DGKD: variants seen among roughly 807,000 people sequenced by gnomAD.
DGKD encodes diacylglycerol kinase delta.
DGKD carries 68 observed loss-of-function variants against 154.4 expected under a neutral mutation model. The ratio of observed to expected loss-of-function variants is 0.44; its 90% CI spans 0.36 to 0.54. DGKD has a LOEUF of 0.54. DGKD is among the 20% of genes least tolerant of loss of function. DGKD has a pLI of 0.00. For missense variants in DGKD, 1,343 were observed against 1,593.6 expected, an observed-to-expected ratio of 0.84 and a Z score of 2.68; for synonymous variants, 693 against 638.0, an observed-to-expected ratio of 1.09 and a Z score of -1.30.
chr2:233,463,053 C>T (rs1047957535), intron 26 of DGKD, among the ~76,000 whole-genome samples: 2 of 152,204 alleles, frequency 1.3e-5, no homozygotes, highest in African/African-American at 2.4e-5. Flanking sequence ...CTCTCAGGCA[C>T]CTTCCATGCT....
chr2:233,360,603 G>C (rs1282187221), intron 1 of DGKD, among the ~76,000 whole-genome samples: 1 of 152,098 alleles, frequency 6.6e-6, no homozygotes, highest in Non-Finnish European at 1.5e-5. Context: ...TCCCCAGGCT[G>C]GTCTCAAACT....
At chr2:233,446,903 T>C (rs955953306) in intron 12 of DGKD, 107 bp downstream of exon 12, 3 of 1,319,310 alleles carry the variant, frequency 2.3e-6, no homozygotes, top group African/African-American at 1.4e-5. Flanking sequence ...CCCTTTGGTG[T>C]TGGGGTGTCA....
At position 233,419,058 on chromosome 2, in the gene DGKD, C is replaced by T. The variant is rs543886312; in HGVS notation, c.349-15322C>T. On this transcript the variant is annotated intron_variant, in intron 3 of 29. Transcript: ENST00000264057. The stretch of plus-strand genomic sequence containing the variant: ...GGGCTTCCAGGTAGGGAATTGTGTA[C>T]GGGGAATCCAGGATTCGGGCAGCAT... 3.9e-5 allele frequency among the ~76,000 whole-genome samples: 6 copies of T among 152,220 alleles called. No homozygotes were observed. The South Asian group carries it at 6.2e-4, about 16-fold the overall frequency.
chr2:233,359,037 T>G (rs1354480469), intron 1 of DGKD, among the ~76,000 whole-genome samples: 1 of 152,236 alleles, frequency 6.6e-6, no homozygotes, highest in African/African-American at 2.4e-5. Context: ...TTCCACATCC[T>G]TGTCAGTAAC....
intron 2 of DGKD, 28 bp downstream of exon 2, chr2:233,388,395 C>A (rs200796059): frequency 1.3e-6 from 2 of 1,598,162 alleles, no homozygotes; most frequent in Non-Finnish European, 1.7e-6. Flanking sequence ...AAAGCACACG[C>A]GAGGACATCA....
Position 233,354,965 on chromosome 2 carries a change from G to A in DGKD, c.156+291G>A, listed in dbSNP as rs1234560338. ...CGGGGGGCGCGCGCCGAGTTGGGCC[G>A]CGAGGACCCGGAGGAAACTGAGGCC... On this transcript the variant is annotated intron_variant, in intron 1 of 29. Transcript: ENST00000264057. This position sits in a 1 kb window ranked among gnomAD's most constrained non-coding sequence, Gnocchi z 4.8. Among the ~76,000 whole-genome samples the A allele has an allele frequency of 4.0e-5, 6 of 150,396 alleles. No individual in the cohort carries two copies. The East Asian group carries it at 9.8e-4, about 25-fold the overall frequency.
chr2:233,464,004 G>T, intron 26 of DGKD, 160 bp from the exon 27 acceptor site: 1 of 942,168 alleles, frequency 1.1e-6, no homozygotes, highest in South Asian at 1.8e-5. Flanking sequence ...GAGGTTCTGG[G>T]TTTGGTTCCT....
chr2:233,434,750 C>G lies in DGKD; in HGVS notation c.454-19C>G. 6.3e-7 allele frequency: 1 copy of G among 1,599,736 alleles called. No individual in the cohort carries two copies. The highest frequency in any genetic ancestry group is 1.1e-5 in the South Asian group (1 of 89,898). ...AAAAGAGAAGTCTTATCTTTGCCCT[C>G]TTGGTTTCGTTCTTCCAGCCCACCC... On this transcript the variant is annotated intron_variant, in intron 4 of 29. Coordinates refer to ENST00000264057, the MANE Select transcript of DGKD (RefSeq NM_152879.3).
chr2:233,469,501 C>A lies in DGKD; in HGVS notation c.*41C>A. ...CCTGTGGCCTCCACATCCCCGCCGC[C>A]GAGGCCTAGCCTCCGCCCTCTCAGC... On this transcript the variant is annotated 3_prime_UTR_variant, in exon 30 of 30. Transcript: ENST00000264057. 2 of 1,530,458 alleles carry A rather than the reference C, an allele frequency of 1.3e-6. No homozygotes were observed. The highest frequency in any genetic ancestry group is 1.8e-6 in the Non-Finnish European group (2 of 1,127,394). 94.8% of individuals were successfully genotyped at this position (1,530,458 alleles called of 1,614,324 possible).
At chr2:233,456,828 C>T (rs1331016942) in intron 19 of DGKD, 71 bp from the exon 20 acceptor site, 1 of 1,204,746 alleles carries the variant, frequency 8.3e-7, no homozygotes, top group Non-Finnish European at 1.2e-6. Context: ...TCCCAGCTTT[C>T]ACAGAAATGA....
chr2:233,433,095 T>A (rs2062583639), intron 3 of DGKD, among the ~76,000 whole-genome samples: 1 of 152,186 alleles, frequency 6.6e-6, no homozygotes, highest in Non-Finnish European at 1.5e-5. Flanking sequence ...GCTAGGTATA[T>A]ACCAAAGAGA....
intron 1 of DGKD, among the ~76,000 whole-genome samples, chr2:233,384,821 G>A (rs1243298063): frequency 6.6e-6 from 1 of 152,038 alleles, no homozygotes; most frequent in Admixed American, 6.6e-5. Flanking sequence ...AGCCACCACC[G>A]GGCTCTGTCT....
chr2:233,415,625 C>T (rs576066767), intron 3 of DGKD, among the ~76,000 whole-genome samples: 48 of 152,242 alleles, frequency 3.2e-4, no homozygotes, highest in Admixed American at 2.7e-3. Flanking sequence ...GGCATAGATA[C>T]ATTAATTAAT....
intron 27 of DGKD, 104 bp from the exon 28 acceptor site, chr2:233,466,982 C>G (rs2063842529): frequency 1.2e-6 from 1 of 854,072 alleles, no homozygotes; most frequent in Non-Finnish European, 2.0e-6. Flanking sequence ...CCAGCTCCCG[C>G]TCATCTCAGC....
chr2:233,431,952 A>C (rs928077772), intron 3 of DGKD, among the ~76,000 whole-genome samples: 52 of 152,244 alleles, frequency 3.4e-4, no homozygotes, highest in Admixed American at 2.6e-4. Flanking sequence ...CAAAGCAAAA[A>C]GTGGACAAAT....
In DGKD at chr2:233,462,336, C is replaced by G. The variant is rs374163573; in HGVS notation, c.2982-12C>G. Reference sequence around the variant, plus strand: ...TGGCCTGACATCTGCCCGTGCTTCTCTTCCTCTCTAGTATCCGAGAAATAG... The same window carrying G: ...TGGCCTGACATCTGCCCGTGCTTCTGTTCCTCTCTAGTATCCGAGAAATAG... On this transcript the variant is annotated splice_polypyrimidine_tract_variant and intron_variant, in intron 24 of 29. Coordinates refer to ENST00000264057, the MANE Select transcript of DGKD (RefSeq NM_152879.3). 20 of 1,590,630 alleles carry G rather than the reference C, an allele frequency of 1.3e-5. No homozygotes were observed. The highest frequency in any genetic ancestry group is 1.7e-5 in the Non-Finnish European group (20 of 1,161,540).
chr2:233,449,221 A>G lies in DGKD; in HGVS notation c.1733A>G (p.Asp578Gly). ...ATTGCCGAGGAGGCTGAAGATGGAG[A>G]TGGGTCGGGCAGCATCTGCGGTTCC... is the stretch of plus-strand genomic sequence containing the variant. ...PTIAEEAEDG[D>G]GSGSICGSTG... is the part of the protein sequence containing the mutation. The change falls in exon 15 of 30, where the codon GAT becomes GGT. Residue 578 changes from aspartate to glycine, a missense_variant. Physicochemically the swap from Asp to Gly is moderately conservative, Grantham distance 94 (BLOSUM62 -1). Around this residue, in one of 6 missense-constraint regions of DGKD, gnomAD observed 409 missense variants for 446.0 expected, o/e 0.92. Coordinates refer to ENST00000264057, the MANE Select transcript of DGKD (RefSeq NM_152879.3). This position sits in a 1 kb window ranked among gnomAD's most constrained non-coding sequence, Gnocchi z 5.3. 1 of 1,613,926 alleles carries G rather than the reference A, an allele frequency of 6.2e-7. No individual in the cohort carries two copies. The highest frequency in any genetic ancestry group is 2.2e-5 in the East Asian group (1 of 44,884).
chr2:233,441,927 G>A lies in DGKD; in HGVS notation c.1126G>A (p.Val376Ile). 1 of 1,614,188 alleles carries A rather than the reference G, an allele frequency of 6.2e-7. No homozygotes were observed. The highest frequency in any genetic ancestry group is 2.2e-5 in the East Asian group (1 of 44,886). Residue 376 changes from valine (V) to isoleucine (I), a missense_variant, in exon 10 of 30, where the codon GTT becomes ATT. Around this residue, in one of 6 missense-constraint regions of DGKD, gnomAD observed 56 missense variants for 111.1 expected, o/e 0.50. Transcript: ENST00000264057. The surrounding 1 kb of genome is among the most constrained non-coding windows in gnomAD (Gnocchi z 5.6). ...GAAGTTTGACACATTCCGGATTCTG[G>A]TTTGTGGCGGGGATGGAAGTGTTGG... Reference protein sequence around the residue: ...FQKFDTFRILVCGGDGSVGWV... With the variant: ...FQKFDTFRILICGGDGSVGWV...
chr2:233,387,086 G>A (rs1214091137), intron 1 of DGKD, among the ~76,000 whole-genome samples: 1 of 152,236 alleles, frequency 6.6e-6, no homozygotes, highest in African/African-American at 2.4e-5. Context: ...GGAACAGGCA[G>A]CGCAGTGTTC....
Sources: gnomAD v4.1 joint callset for allele counts (sites outside exome capture counted in the v4.1 genomes callset) on GRCh38, gnomAD v4.1.1 for gene constraint, gnomAD v4.1.1 regional missense constraint, Gnocchi (gnomAD v3.1) non-coding constraint, MANE v1.5 for transcripts, NCBI Gene and HGNC (gene_info 2026-07-23, HGNC 2026-07-21) for gene names.